Variants in SSC4D observed in about 807,000 individuals in gnomAD.
SSC4D encodes scavenger receptor cysteine-rich domain-containing group B protein.
Under a neutral mutation model 63.4 loss-of-function variants are expected in SSC4D, and 57 were observed. That is an observed-to-expected ratio of 0.90 (90% CI 0.73 to 1.12). The LOEUF is 1.12. SSC4D is among the 50% of genes most tolerant of loss of function. The pLI is 0.00. For missense variants in SSC4D, 791 were observed against 806.4 expected, an observed-to-expected ratio of 0.98 and a Z score of 0.23; for synonymous variants, 352 against 345.4, an observed-to-expected ratio of 1.02 and a Z score of -0.21.
chr7:76,405,313 A>G lies in SSC4D; in HGVS notation c.-66-808T>C, dbSNP rs111340599. On this transcript the variant is annotated intron_variant, in intron 1 of 10. Coordinates refer to ENST00000275560, the MANE Select transcript of SSC4D (RefSeq NM_080744.2). ...TATATATATATATATATATATATAT[A>G]TATGTATTTTTTTCTTTCTTTCTTT... Among the ~76,000 whole-genome samples the G allele has an allele frequency of 2.4e-3, 81 of 34,364 alleles. 2 individuals carry two copies. The highest frequency in any genetic ancestry group is 5.6e-3 in the African/African-American group (31 of 5,532). 22.5% of individuals were successfully genotyped at this position (34,364 alleles called of 152,430 possible).
intron 1 of SSC4D, among the ~76,000 whole-genome samples, chr7:76,408,391 G>C (rs1351628594): frequency 1.3e-5 from 2 of 152,130 alleles, no homozygotes; most frequent in Non-Finnish European, 2.9e-5. Context: ...ACCATGAGGA[G>C]GGGGAAAGAC....
At chr7:76,405,682 C>T (rs1195815681) in intron 1 of SSC4D, among the ~76,000 whole-genome samples, 1 of 151,978 alleles carries the variant, frequency 6.6e-6, no homozygotes, top group Non-Finnish European at 1.5e-5. Flanking sequence ...GAGACGACGG[C>T]AGAGGCAAAA....
intron 1 of SSC4D, among the ~76,000 whole-genome samples, chr7:76,405,271 TTATATATATATATATATATATATATATA>T (rs1171830870): frequency 0.015 from 135 of 9,138 alleles, 10 homozygotes; most frequent in African/African-American, 0.029. Context: ...ACCCAGCTAA[TTATATATATATATATATATATATATATA>T]TATATATATA....
intron 2 of SSC4D, among the ~76,000 whole-genome samples, chr7:76,403,328 A>C (rs1409743983): frequency 6.7e-6 from 1 of 150,370 alleles, no homozygotes; most frequent in Non-Finnish European, 1.5e-5. Flanking sequence ...TTACTGATGA[A>C]GAAACTGAGA....
intron 1 of SSC4D, 88 bp downstream of exon 1, chr7:76,409,326 C>CTG (rs1805163424): frequency 1.9e-3 from 4 of 2,086 alleles, no homozygotes; most frequent in African/African-American, 3.1e-3. Context: ...CTCTGTCTCA[C>CTG]ACACACACAC....
At chr7:76,398,653 G>T in intron 5 of SSC4D, 67 bp downstream of exon 5, 2 of 1,510,638 alleles carry the variant, frequency 1.3e-6, no homozygotes, top group East Asian at 2.3e-5. Context: ...TCTTCCCACT[G>T]CCTAGGGTAG....
chr7:76,392,387 T>C (rs910459966), intron 9 of SSC4D, among the ~76,000 whole-genome samples: 1 of 151,964 alleles, frequency 6.6e-6, no homozygotes, highest in African/African-American at 2.4e-5. Flanking sequence ...CCGTCTCTAT[T>C]AAAAATACAA....
rs1422522448 is a variant in SSC4D at position 76,397,806 on chromosome 7, C to T, written c.580G>A (p.Gly194Ser). The T allele has an allele frequency of 6.3e-7, 1 of 1,597,516 alleles. No homozygotes were observed. Among genetic ancestry groups the T allele is most frequent in the African/African-American group, 1.3e-5 (1 of 74,570 alleles). Reference protein sequence around the residue: ...KSEGSVRLVGGANLCQGRVEI... With the variant: ...KSEGSVRLVGSANLCQGRVEI... ...ACTCGGCCCTGACACAGGTTCGCGC[C>T]CCCTACCAGGCGTACGCTGCCCTCA... The change falls in exon 6 of 11, where the codon GGC (glycine) becomes AGC (serine). Residue 194 changes from glycine (G) to serine (S), a missense_variant. Transcript: ENST00000275560.
At chr7:76,400,944 C>T in intron 3 of SSC4D, 64 bp downstream of exon 3, 1 of 1,548,342 alleles carries the variant, frequency 6.5e-7, no homozygotes, top group African/African-American at 1.4e-5. Context: ...CTGTGGTTCC[C>T]TGTCTGAGGC....
At chr7:76,399,937 G>T (rs1431790832) in intron 4 of SSC4D, among the ~76,000 whole-genome samples, 1 of 152,118 alleles carries the variant, frequency 6.6e-6, no homozygotes, top group Non-Finnish European at 1.5e-5. Context: ...GCTGCAGTGG[G>T]CTATGATCAC....
Position 76,397,606 on chromosome 7 carries a change from G to T in SSC4D, c.780C>A (p.Gly260=). The part of the protein sequence containing the change: ...HILLDNVHCE[G]GEPRLAACQS... ...GGCAGGCTGCCAGGCGGGGCTCGCC[G>T]CCTTCGCAGTGCACGTTGTCCAGCA... The change falls in exon 6 of 11, where the codon GGC becomes GGA. Residue 260 remains glycine, a synonymous_variant. Transcript: ENST00000275560. 6.2e-7 allele frequency: 1 copy of T among 1,610,214 alleles called. No individual in the cohort carries two copies. The highest frequency in any genetic ancestry group is 8.5e-7 in the Non-Finnish European group (1 of 1,178,768).
intron 5 of SSC4D, 128 bp downstream of exon 5, chr7:76,398,591 CA>C: frequency 1.9e-6 from 2 of 1,072,298 alleles, no homozygotes; most frequent in South Asian, 1.3e-5. Context: ...AGGTGTGAGC[CA>C]CCATGCCCAG....
chr7:76,397,524 A>G lies in SSC4D; in HGVS notation c.862T>C (p.Cys288Arg). The G allele has an allele frequency of 6.4e-7, 1 of 1,554,628 alleles. No homozygotes were observed. The highest frequency in any genetic ancestry group is 1.2e-5 in the South Asian group (1 of 84,644). Residue 288 changes from cysteine (C) to arginine (R), a missense_variant, in exon 6 of 11, where the codon TGC (cysteine) becomes CGC (arginine). Coordinates refer to ENST00000275560, the MANE Select transcript of SSC4D (RefSeq NM_080744.2). ...CGHHEDAGAL[C>R]AGLGPPTLTA... is the part of the protein sequence containing the mutation. Reference sequence around the variant, plus strand: ...TCGCCCCTAGAGCCCGCACCTGCGCAGAGCGCGCCCGCGTCCTCGTGGTGG... The same window carrying G: ...TCGCCCCTAGAGCCCGCACCTGCGCGGAGCGCGCCCGCGTCCTCGTGGTGG...
chr7:76,399,630 G>T (rs889368775), intron 4 of SSC4D, among the ~76,000 whole-genome samples: 1 of 151,234 alleles, frequency 6.6e-6, no homozygotes, highest in Non-Finnish European at 1.5e-5. Context: ...GACCCCCCCA[G>T]ACTCCAGCGA....
intron 2 of SSC4D, among the ~76,000 whole-genome samples, chr7:76,403,882 C>T (rs1286348514): frequency 6.6e-6 from 1 of 152,030 alleles, no homozygotes; most frequent in Non-Finnish European, 1.5e-5. Context: ...AGGCTGGTCT[C>T]AAACTCCTGA....
chr7:76,391,798 G>A (rs1158969339), intron 10 of SSC4D, among the ~76,000 whole-genome samples, 166 bp downstream of exon 10: 2 of 152,028 alleles, frequency 1.3e-5, no homozygotes, highest in Non-Finnish European at 2.9e-5. Flanking sequence ...CTTCTTTCTG[G>A]ACACCATATT....
At chr7:76,405,631 G>A (rs151196518) in intron 1 of SSC4D, among the ~76,000 whole-genome samples, 2 of 152,094 alleles carry the variant, frequency 1.3e-5, no homozygotes, top group Non-Finnish European at 2.9e-5. Flanking sequence ...GTCAGCTTCA[G>A]GGGAAAATGA....
At chr7:76,400,816 C>T (rs553064447) in intron 3 of SSC4D, among the ~76,000 whole-genome samples, 192 bp downstream of exon 3, 3 of 152,250 alleles carry the variant, frequency 2.0e-5, no homozygotes, top group Non-Finnish European at 4.4e-5. Flanking sequence ...CCAGGTTACC[C>T]GCTTTGCCAT....
chr7:76,394,695 T>C (rs1389544941), intron 7 of SSC4D, among the ~76,000 whole-genome samples: 4 of 148,088 alleles, frequency 2.7e-5, no homozygotes, highest in African/African-American at 9.8e-5. Context: ...CCCAAAGTGC[T>C]GGGATTACAG....
Sources: allele counts gnomAD v4.1 joint callset (sites outside exome capture counted in the v4.1 genomes callset), GRCh38; gene constraint gnomAD v4.1.1; transcripts MANE v1.5; gene names NCBI Gene and HGNC (gene_info 2026-07-23, HGNC 2026-07-21).